Variants in BLVRB observed in about 807,000 individuals in gnomAD.
The protein encoded by BLVRB is flavin reductase (NADPH).
A neutral mutation model predicts 21.1 loss-of-function variants in BLVRB; 25 were observed. The observed-to-expected ratio is 1.19, with a 90% confidence interval of 0.86 to 1.66. The LOEUF is 1.66. BLVRB is among the 40% of genes most tolerant of loss of function. BLVRB has a pLI of 0.00. For missense variants in BLVRB, 274 were observed against 282.7 expected (o/e 0.97, Z 0.22); for synonymous variants, 128 against 122.2 (o/e 1.05, Z -0.31).
At chr19:40,448,407 A>G (rs558813853) in intron 4 of BLVRB, among the ~76,000 whole-genome samples, 2 of 151,624 alleles carry the variant, frequency 1.3e-5, no homozygotes, top group East Asian at 3.9e-4. Flanking sequence ...CCTGGGCAAC[A>G]CAGGGAGACC....
intron 3 of BLVRB, among the ~76,000 whole-genome samples, chr19:40,455,850 A>C (rs1029186426): frequency 6.6e-6 from 1 of 152,056 alleles, no homozygotes; most frequent in African/African-American, 2.4e-5. Context: ...GCAGTGGCTC[A>C]GGTGTAATCC....
At chr19:40,453,005 G>A (rs1443784272) in intron 3 of BLVRB, among the ~76,000 whole-genome samples, 2 of 152,202 alleles carry the variant, frequency 1.3e-5, no homozygotes, top group African/African-American at 4.8e-5. Context: ...AGAGGTTGCA[G>A]TGAGCCGAGA....
chr19:40,458,247 TAGAG>T lies in BLVRB; in HGVS notation c.245-7_245-4del, dbSNP rs759988479. 1.4e-5 allele frequency: 22 copies of T among 1,611,284 alleles called. No homozygotes were observed. The highest frequency in any genetic ancestry group is 1.8e-5 in the Non-Finnish European group (21 of 1,178,910). On this transcript the variant is annotated splice_region_variant and splice_polypyrimidine_tract_variant and intron_variant, in intron 2 of 4. Transcript: ENST00000263368. ...CTCGGACATCACTGTCGTGGGACCTTAGAGGGGACAGAGAGTGGCTGTCACTGGT... is the reference window on the plus strand; with the variant it reads ...CTCGGACATCACTGTCGTGGGACCTTGGGACAGAGAGTGGCTGTCACTGGT...
chr19:40,456,667 G>C (rs889951116), intron 3 of BLVRB, among the ~76,000 whole-genome samples: 11 of 152,098 alleles, frequency 7.2e-5, no homozygotes, highest in African/African-American at 2.7e-4. Context: ...TGGGAGGACT[G>C]CTTGAGGCCA....
At chr19:40,450,070 C>T (rs922418978) in intron 4 of BLVRB, among the ~76,000 whole-genome samples, 7 of 151,024 alleles carry the variant, frequency 4.6e-5, no homozygotes, top group African/African-American at 7.3e-5. Flanking sequence ...TGGTGGCACG[C>T]GCCTGTAGTC....
intron 3 of BLVRB, among the ~76,000 whole-genome samples, chr19:40,452,554 A>G (rs1328909946): frequency 2.6e-5 from 4 of 151,068 alleles, no homozygotes; most frequent in African/African-American, 9.7e-5. Flanking sequence ...GATACCGGCC[A>G]AGCCTGGCTA....
In BLVRB at chr19:40,458,533, G is replaced by C. The variant is rs1038324392; in HGVS notation, c.92C>G (p.Thr31Arg). ...CCTGGAGGAGTCCCGCACCAGCACT[G>C]TCACTTCGTAACCTGTGGGCAAAGA... ...AQAVQAGYEV[T>R]VLVRDSSRLP... The change falls in exon 2 of 5, where the codon ACA becomes AGA. Residue 31 changes from threonine to arginine, a missense_variant. Transcript: ENST00000263368. The C allele has an allele frequency of 3.7e-6, 6 of 1,608,244 alleles. No individual in the cohort carries two copies. Among genetic ancestry groups the C allele is most frequent in the Non-Finnish European group, 5.1e-6 (6 of 1,177,306 alleles).
intron 1 of BLVRB, among the ~76,000 whole-genome samples, chr19:40,461,756 C>A: frequency 6.6e-6 from 1 of 152,064 alleles, no homozygotes; most frequent in Non-Finnish European, 1.5e-5. Flanking sequence ...TGCCTCAGCC[C>A]CCCAAAGTGT....
intron 3 of BLVRB, among the ~76,000 whole-genome samples, chr19:40,453,162 C>T (rs758546486): frequency 6.6e-5 from 10 of 152,184 alleles, no homozygotes; most frequent in Admixed American, 4.6e-4. Flanking sequence ...CCTTCCATCT[C>T]GACCTCCTAA....
At chr19:40,452,999 G>A (rs756121926) in intron 3 of BLVRB, among the ~76,000 whole-genome samples, 1 of 152,172 alleles carries the variant, frequency 6.6e-6, no homozygotes, top group Non-Finnish European at 1.5e-5. Context: ...GGAGGCAGAG[G>A]TTGCAGTGAG....
intron 1 of BLVRB, among the ~76,000 whole-genome samples, chr19:40,461,933 C>A (rs768868040): frequency 1.3e-4 from 20 of 152,242 alleles, no homozygotes; most frequent in Non-Finnish European, 2.8e-4. Context: ...TGTACTTCCT[C>A]TGTCACAGCC....
At chr19:40,458,324 G>A (rs1457352948) in intron 2 of BLVRB, 57 bp downstream of exon 2, 6 of 1,514,664 alleles carry the variant, frequency 4.0e-6, no homozygotes, top group South Asian at 2.5e-5. Context: ...GGGGGCGGGG[G>A]TGGCGCTGGG....
In BLVRB at chr19:40,465,676, T is replaced by C; in HGVS notation, c.13A>G (p.Lys5Glu). 6.2e-7 allele frequency: 1 copy of C among 1,612,796 alleles called. No individual in the cohort carries two copies. Residue 5 changes from lysine (K) to glutamate (E), a missense_variant, in exon 1 of 5, where the codon AAG becomes GAG. Transcript: ENST00000263368. Reference sequence around the variant, plus strand: ...CCAGTGGCGCCGAAGATCGCGATCTTCTTGACGGCCATCGTACGGGATCGT... The same window carrying C: ...CCAGTGGCGCCGAAGATCGCGATCTCCTTGACGGCCATCGTACGGGATCGT... MAVK[K>E]IAIFGATGQT... is the part of the protein sequence containing the mutation.
At chr19:40,452,741 T>C (rs444241) in intron 3 of BLVRB, among the ~76,000 whole-genome samples, 150,195 of 152,114 alleles carry the variant, frequency 0.99, 74,153 homozygotes, top group East Asian at 1. Flanking sequence ...GGTGCATGCC[T>C]GTAGTCCTAG....
chr19:40,448,050 T>C lies in BLVRB; in HGVS notation c.464-4A>G. 1 of 1,610,306 alleles carries C rather than the reference T, an allele frequency of 6.2e-7. No homozygotes were observed. Among genetic ancestry groups the C allele is most frequent in the South Asian group, 1.1e-5 (1 of 91,008 alleles). On this transcript the variant is annotated splice_region_variant and splice_polypyrimidine_tract_variant and intron_variant, in intron 4 of 4. Transcript: ENST00000263368. ...GCCCCAGTTAGTGGCTGGTCTCCTA[T>C]GAAGTAAAGACAAGAGGGGCTGGAT...
At position 40,458,292 on chromosome 19, in the gene BLVRB, C is replaced by G. The variant is rs369621328; in HGVS notation, c.245-48G>C. 638 of 1,345,992 alleles carry G rather than the reference C, an allele frequency of 4.7e-4. 4 individuals carry two copies. Among genetic ancestry groups the G allele is most frequent in the African/African-American group, 4.5e-3 (298 of 66,274 alleles). 83.4% of individuals were successfully genotyped at this position (1,345,992 alleles called of 1,614,324 possible). A position where few individuals can be genotyped will look rare whatever the true frequency, so the allele number is the denominator to read the frequency against. The stretch of plus-strand genomic sequence containing the variant: ...TGTCACTGGTGGGCGGCGGCGGCGG[C>G]AGGGGTGGCAGGGGCGGGGCCGGGG... On this transcript the variant is annotated intron_variant, in intron 2 of 4. Transcript: ENST00000263368.
intron 3 of BLVRB, among the ~76,000 whole-genome samples, chr19:40,452,958 G>A (rs2079747035): frequency 6.6e-6 from 1 of 152,032 alleles, no homozygotes; most frequent in Non-Finnish European, 1.5e-5. Flanking sequence ...CTATTCTCAG[G>A]AAGCTGAGGC....
intron 1 of BLVRB, among the ~76,000 whole-genome samples, chr19:40,462,239 G>C (rs2079790695): frequency 6.6e-6 from 1 of 152,002 alleles, no homozygotes; most frequent in Admixed American, 6.6e-5. Flanking sequence ...CCTCACACAT[G>C]GGGGAGCAGC....
chr19:40,457,114 A>C (rs1407159338), intron 3 of BLVRB, among the ~76,000 whole-genome samples: 2 of 151,004 alleles, frequency 1.3e-5, no homozygotes, highest in African/African-American at 4.9e-5. Context: ...CTGAGGCTGC[A>C]GTGAGCCATG....
Sources: gnomAD v4.1 joint callset for allele counts (sites outside exome capture counted in the v4.1 genomes callset) on GRCh38, gnomAD v4.1.1 for gene constraint, MANE v1.5 for transcripts, NCBI Gene and HGNC (gene_info 2026-07-23, HGNC 2026-07-21) for gene names.